Variants in MAK observed in about 807,000 individuals in gnomAD.
MAK encodes serine/threonine-protein kinase MAK.
Under a neutral mutation model 82.6 loss-of-function variants are expected in MAK, and 65 were observed. The observed-to-expected ratio is 0.79, with a 90% CI of 0.64 to 0.97. The LOEUF (loss-of-function observed/expected upper bound fraction) is 0.97. Ranked by LOEUF, MAK falls within the 50% of genes least tolerant of loss-of-function variation. The pLI, the probability that MAK is intolerant of heterozygous loss-of-function variation, is 0.00. For synonymous variants in MAK, 250 were observed against 274.2 expected (o/e 0.91, Z 0.87); for missense variants, 703 against 780.2 (o/e 0.90, Z 1.18).
rs1226895926 is a variant in MAK, at chr6:10,768,506, G to A, written c.1792+1605C>T. ...TGAGGCAGGAGAATCGTTTGAACCCGGGAGGTGGAGGTTGCAGTGAGCTGA... is the reference window on the plus strand; with the variant it reads ...TGAGGCAGGAGAATCGTTTGAACCCAGGAGGTGGAGGTTGCAGTGAGCTGA... On this transcript the variant is annotated intron_variant, in intron 14 of 14. Transcript: ENST00000354489. Among the ~76,000 whole-genome samples the A allele has an allele frequency of 4.6e-5, 7 of 152,072 alleles. 1 individual carries two copies. The highest frequency in any genetic ancestry group is 4.1e-4 in the South Asian group (2 of 4,820).
chr6:10,804,283 T>C (rs191654044), intron 6 of MAK, among the ~76,000 whole-genome samples: 119 of 152,074 alleles, frequency 7.8e-4, no homozygotes, highest in African/African-American at 2.8e-3. Context: ...ATATCCTGAG[T>C]AGTGGAGTTT....
intron 10 of MAK, among the ~76,000 whole-genome samples, chr6:10,791,419 A>G (rs1243490915): frequency 6.6e-6 from 1 of 152,106 alleles, no homozygotes; most frequent in East Asian, 1.9e-4. Context: ...GGTGCACACC[A>G]CCACACCCAG....
At chr6:10,772,845 T>G (rs1230389685) in intron 13 of MAK, among the ~76,000 whole-genome samples, 189 bp downstream of exon 13, 1 of 152,234 alleles carries the variant, frequency 6.6e-6, no homozygotes, top group East Asian at 1.9e-4. Flanking sequence ...ATATTCATCT[T>G]AAAATCTCAG....
intron 4 of MAK, among the ~76,000 whole-genome samples, chr6:10,815,493 C>A (rs1322218569): frequency 1.3e-5 from 2 of 151,934 alleles, no homozygotes; most frequent in Non-Finnish European, 2.9e-5. Context: ...CATGGTGGCA[C>A]GTGCCTGCAG....
At chr6:10,775,543 C>A in intron 11 of MAK, 84 bp from the exon 12 acceptor site, 6 of 1,409,984 alleles carry the variant, frequency 4.3e-6, no homozygotes, top group Non-Finnish European at 5.0e-6. Context: ...CAAACAAAGA[C>A]TAGAGACACC....
At position 10,784,556 on chromosome 6, in the gene MAK, G is replaced by C; in HGVS notation, c.1333C>G (p.Pro445Ala). ...CCTGTCGAGTGGTTGGAGCCTGAGG[G>C]TACTGGCTCTGGAAGCCTTGAAAGC... ...DSPFRLPEPV[P>A]SGSNHSTGEN... The change falls in exon 11 of 15, where the codon CCC (proline) becomes GCC (alanine). Residue 445 changes from proline (P) to alanine (A), a missense_variant. Pro to Ala is a conservative substitution (Grantham distance 27). Coordinates refer to ENST00000354489, the MANE Select transcript of MAK (RefSeq NM_001242957.3). 4.3e-6 allele frequency: 7 copies of C among 1,614,132 alleles called. No individual in the cohort carries two copies. The highest frequency in any genetic ancestry group is 5.9e-6 in the Non-Finnish European group (7 of 1,180,012).
At chr6:10,813,120 ATATATATATATATAAATTT>A (rs1561987365) in intron 5 of MAK, among the ~76,000 whole-genome samples, 55 of 1,586 alleles carry the variant, frequency 0.035, 5 homozygotes, top group Admixed American at 0.061. Flanking sequence ...ATATATATAT[ATATATATATATATAAATTT>A]TTTTTTTTTT....
chr6:10,765,260 G>A (rs998991557), intron 14 of MAK, among the ~76,000 whole-genome samples: 1 of 152,138 alleles, frequency 6.6e-6, no homozygotes, highest in African/African-American at 2.4e-5. Flanking sequence ...AACACCCACA[G>A]TGTTGGTGAC....
chr6:10,799,571 C>T (rs2127553432), intron 8 of MAK, among the ~76,000 whole-genome samples: 1 of 152,132 alleles, frequency 6.6e-6, no homozygotes, highest in South Asian at 2.1e-4. Context: ...GTCAGGACAA[C>T]ATAGTAAGAC....
intron 11 of MAK, among the ~76,000 whole-genome samples, chr6:10,777,379 C>G (rs1732772970): frequency 6.6e-6 from 1 of 150,444 alleles, no homozygotes; most frequent in African/African-American, 2.4e-5. Flanking sequence ...GCCACTGCAT[C>G]CAGCCTGGTC....
Position 10,764,479 on chromosome 6 carries a change from C to T in MAK, c.1920G>A (p.Trp640Ter), listed in dbSNP as rs1346432369. 6.2e-7 allele frequency: 1 copy of T among 1,614,014 alleles called. No homozygotes were observed. Among genetic ancestry groups the T allele is most frequent in the Admixed American group, 1.7e-5 (1 of 60,004 alleles). Residue 640 changes from tryptophan (W) to a stop codon, truncating the protein, a stop_gained, in exon 15 of 15, where the codon TGG (tryptophan) becomes TGA (stop). Transcript: ENST00000354489. LOFTEE classifies it high-confidence loss of function. ...ACCGGTGGCCTCCATACTTGGCCAC[C>T]CAGTCTGTCCTCCCATGCACTGAGG... ...PIPSVHGRTDWVAKYGGHR is the reference protein window; with the variant it reads ...PIPSVHGRTD
At chr6:10,768,156 T>C (rs904896077) in intron 14 of MAK, among the ~76,000 whole-genome samples, 3 of 152,040 alleles carry the variant, frequency 2.0e-5, no homozygotes, top group Non-Finnish European at 4.4e-5. Flanking sequence ...GATAGAATAA[T>C]TAATATATAA....
intron 10 of MAK, among the ~76,000 whole-genome samples, chr6:10,790,420 A>T (rs1291155641): frequency 1.3e-5 from 2 of 152,144 alleles, no homozygotes; most frequent in Non-Finnish European, 2.9e-5. Context: ...GGAAAACAAA[A>T]AAAAAAGAAA....
At chr6:10,813,237 C>G (rs1264533351) in intron 5 of MAK, among the ~76,000 whole-genome samples, 1 of 140,890 alleles carries the variant, frequency 7.1e-6, no homozygotes, top group East Asian at 2.2e-4. Flanking sequence ...CAACCTCCAC[C>G]TCTGGGGTTC....
chr6:10,799,808 G>A (rs1000457658), intron 8 of MAK, among the ~76,000 whole-genome samples: 2 of 152,066 alleles, frequency 1.3e-5, no homozygotes, highest in Non-Finnish European at 2.9e-5. Flanking sequence ...AGAACTTAGG[G>A]AGGCCGAGGT....
chr6:10,803,719 CT>C lies in MAK; in HGVS notation c.663del (p.Ser222ValfsTer13). 4 of 1,613,024 alleles carry C rather than the reference CT, an allele frequency of 2.5e-6. No individual in the cohort carries two copies. The highest frequency in any genetic ancestry group is 3.4e-6 in the Non-Finnish European group (4 of 1,179,168). ...AGCAACTTAGGGACAAGAGTACTTA[CT>C]TTTTTGGGAGTCCCTAAAACTTGGC... The part of the protein sequence containing the change: ...KICQVLGTPK[K>X]SDWPEGYQLA... On this transcript the variant is annotated frameshift_variant and splice_region_variant, in exon 7 of 15. Transcript: ENST00000354489. LOFTEE classifies it high-confidence loss of function.
At chr6:10,774,250 A>AAATT (rs1554165255) in intron 12 of MAK, among the ~76,000 whole-genome samples, 8 of 151,736 alleles carry the variant, frequency 5.3e-5, no homozygotes, top group African/African-American at 1.9e-4. Context: ...ATACTGTACA[A>AAATT]AGTTATAATT....
At chr6:10,834,152 G>A (rs987055657) in intron 1 of MAK, among the ~76,000 whole-genome samples, 1 of 152,084 alleles carries the variant, frequency 6.6e-6, no homozygotes, top group African/African-American at 2.4e-5. Flanking sequence ...TTCAATTGCT[G>A]TACACTCTTT....
intron 11 of MAK, among the ~76,000 whole-genome samples, 186 bp downstream of exon 11, chr6:10,784,238 G>A (rs944886916): frequency 6.6e-6 from 1 of 152,142 alleles, no homozygotes; most frequent in African/African-American, 2.4e-5. Flanking sequence ...CATTTCTTGA[G>A]CAGAATTCTA....
Sources: gnomAD v4.1 joint callset for allele counts (sites outside exome capture counted in the v4.1 genomes callset) on GRCh38, gnomAD v4.1.1 for gene constraint, MANE v1.5 for transcripts, NCBI Gene and HGNC (gene_info 2026-07-23, HGNC 2026-07-21) for gene names.